ACSL5: variants seen among roughly 807,000 people sequenced by gnomAD.
The protein encoded by ACSL5 is acyl-CoA synthetase long chain family member 5.
In ACSL5, 50 loss-of-function variants were observed where a neutral mutation model predicts 84.9. The observed-to-expected ratio is 0.59, with a 90% CI of 0.47 to 0.75. The LOEUF is 0.75. Among genes scored for constraint, ACSL5 ranks in the 30% least tolerant of loss-of-function variants. The pLI is 0.00. For missense variants in ACSL5, 775 were observed against 830.4 expected (o/e 0.93, Z 0.82); for synonymous variants, 280 against 300.7 (o/e 0.93, Z 0.71).
rs760045809 is a variant in ACSL5 at position 112,410,502 on chromosome 10, T to C, written c.744+7T>C. The C allele has an allele frequency of 3.7e-6, 6 of 1,614,048 alleles. No homozygotes were observed. The highest frequency in any genetic ancestry group is 5.1e-6 in the Non-Finnish European group (6 of 1,180,024). ...GCACTTCAGAAAACCTGTGGTAAGT[T>C]TTCTTCTGCCTGAATTTGAGCCTTG... On this transcript the variant is annotated splice_region_variant and intron_variant, in intron 8 of 20. Transcript: ENST00000354655.
At position 112,418,455 on chromosome 10, in the gene ACSL5, G is replaced by A. The variant is rs577941626; in HGVS notation, c.1314+514G>A. 1.7e-3 allele frequency among the ~76,000 whole-genome samples: 253 copies of A among 152,180 alleles called. 1 individual carries two copies. Among genetic ancestry groups the A allele is most frequent in the African/African-American group, 5.9e-3 (244 of 41,522 alleles). ...AAATTAGCTGGGCGTGGTGGTGGGC[G>A]CCTGTAGTCCCAGCTACTCGGGAGG... is the stretch of plus-strand genomic sequence containing the variant. On this transcript the variant is annotated intron_variant, in intron 14 of 20. Coordinates refer to ENST00000354655, the MANE Select transcript of ACSL5 (RefSeq NM_203379.2).
chr10:112,378,003 TC>T (rs1448933934), intron 1 of ACSL5, among the ~76,000 whole-genome samples: 2 of 152,124 alleles, frequency 1.3e-5, no homozygotes, highest in Non-Finnish European at 2.9e-5. Context: ...AAATAGTCTC[TC>T]CCAGGCTATA....
At chr10:112,419,168 C>G (rs1448830305) in intron 14 of ACSL5, 1 of 151,096 alleles carries the variant, frequency 6.6e-6, no homozygotes, top group African/African-American at 2.4e-5. Context: ...CCAGAAAGAT[C>G]TTTTTTGCAC....
chr10:112,426,864 G>A lies in ACSL5; in HGVS notation c.1911+5G>A. On this transcript the variant is annotated splice_donor_5th_base_variant and intron_variant, in intron 20 of 20. Transcript: ENST00000354655. ...GGCCTTAAAACTTTTGAACAGGTGTGTGCTACCACTGATGTTATACTGGCC... is the reference window on the plus strand; with the variant it reads ...GGCCTTAAAACTTTTGAACAGGTGTATGCTACCACTGATGTTATACTGGCC... The A allele has an allele frequency of 6.2e-7, 1 of 1,607,474 alleles. No individual in the cohort carries two copies. Among genetic ancestry groups the A allele is most frequent in the Non-Finnish European group, 8.5e-7 (1 of 1,174,214 alleles).
At chr10:112,395,651 C>T (rs967290997) in intron 2 of ACSL5, among the ~76,000 whole-genome samples, 4 of 152,178 alleles carry the variant, frequency 2.6e-5, no homozygotes, top group African/African-American at 9.7e-5. Context: ...ATTAGGCTCA[C>T]TCCCCCGACT....
Position 112,422,337 on chromosome 10 carries a change from G to T in ACSL5, c.1489G>T (p.Gly497Cys). 1.2e-6 allele frequency: 2 copies of T among 1,613,906 alleles called. No homozygotes were observed. The highest frequency in any genetic ancestry group is 1.7e-6 in the Non-Finnish European group (2 of 1,179,932). ...GTCTGCTGTGCAGGTCTGCATCAAG[G>T]GTACAAACGTGTTCAAAGGATACCT... ...VNNEGEVCIK[G>C]TNVFKGYLKD... is the part of the protein sequence containing the mutation. The change falls in exon 17 of 21, where the codon GGT becomes TGT. Residue 497 changes from glycine to cysteine, a missense_variant. Coordinates refer to ENST00000354655, the MANE Select transcript of ACSL5 (RefSeq NM_203379.2).
chr10:112,397,429 C>T (rs537276282), intron 2 of ACSL5, among the ~76,000 whole-genome samples: 21 of 152,232 alleles, frequency 1.4e-4, no homozygotes, highest in African/African-American at 4.6e-4. Flanking sequence ...CTTGGCCTCT[C>T]AAAGTGCTGA....
chr10:112,415,923 G>A (rs1420783699), intron 12 of ACSL5, among the ~76,000 whole-genome samples: 1 of 152,218 alleles, frequency 6.6e-6, no homozygotes, highest in East Asian at 1.9e-4. Flanking sequence ...TGGCAGGAGT[G>A]TGGTTGATGG....
chr10:112,385,385 T>C (rs1849429155), intron 1 of ACSL5, among the ~76,000 whole-genome samples: 1 of 152,240 alleles, frequency 6.6e-6, no homozygotes, highest in Non-Finnish European at 1.5e-5. Context: ...TTCTATGAGA[T>C]AAGCTGATGG....
At chr10:112,424,070 T>C (rs1457272738) in intron 17 of ACSL5, among the ~76,000 whole-genome samples, 2 of 152,232 alleles carry the variant, frequency 1.3e-5, no homozygotes, top group Non-Finnish European at 2.9e-5. Context: ...CCCTATTAAT[T>C]CACAGGCATA....
intron 5 of ACSL5, chr10:112,406,217 A>T (rs1375478089): frequency 6.6e-6 from 1 of 152,154 alleles, no homozygotes; most frequent in Non-Finnish European, 1.5e-5. Context: ...GGAGTCTAGG[A>T]ATCCAAGGTC....
intron 16 of ACSL5, 138 bp from the exon 17 acceptor site, chr10:112,422,187 T>C (rs1844480648): frequency 9.2e-7 from 1 of 1,088,304 alleles, no homozygotes. Context: ...TCCCCTATAG[T>C]GGAGACTTAG....
Position 112,422,127 on chromosome 10 carries a change from C to G in ACSL5, c.1476+92C>G, listed in dbSNP as rs1844479602. The stretch of plus-strand genomic sequence containing the variant: ...ATTGTAAGCAAACTTGGATTTGGCC[C>G]CTTTGAGATTGTTAGCAAAGAATTA... On this transcript the variant is annotated intron_variant, in intron 16 of 20. Transcript: ENST00000354655. 2.1e-6 allele frequency: 3 copies of G among 1,418,834 alleles called. No homozygotes were observed. The African/African-American group carries it at 4.2e-5, about 20-fold the overall frequency. The allele number at this position is 1,418,834 out of a possible 1,614,324, so 87.9% of individuals were successfully genotyped here.
intron 12 of ACSL5, 69 bp downstream of exon 12, chr10:112,413,376 A>G: frequency 6.4e-7 from 1 of 1,556,802 alleles, no homozygotes; most frequent in Non-Finnish European, 8.8e-7. Flanking sequence ...TACTACTATG[A>G]GATTTACTCC....
At chr10:112,403,512 C>T (rs1023511901) in intron 3 of ACSL5, among the ~76,000 whole-genome samples, 14 of 152,294 alleles carry the variant, frequency 9.2e-5, no homozygotes, top group African/African-American at 2.9e-4. Context: ...TCTTGAACTC[C>T]CAACCTCAGG....
At chr10:112,399,979 C>T (rs148597454) in intron 3 of ACSL5, among the ~76,000 whole-genome samples, 333 of 152,202 alleles carry the variant, frequency 2.2e-3, no homozygotes, top group Non-Finnish European at 3.3e-3. Flanking sequence ...TAGGTTAGCT[C>T]GTAAGTGTTT....
At position 112,421,934 on chromosome 10, in the gene ACSL5, C is replaced by T. The variant is rs375774044; in HGVS notation, c.1388-13C>T. On this transcript the variant is annotated splice_polypyrimidine_tract_variant and intron_variant, in intron 15 of 20. Transcript: ENST00000354655. The stretch of plus-strand genomic sequence containing the variant: ...CAAGAGTTTCTCAGCTAATTCAGCA[C>T]GGTATGTTCTAGGTCACGTTGGGGT... 2.8e-5 allele frequency: 45 copies of T among 1,613,150 alleles called. No individual in the cohort carries two copies. In the Admixed American group the frequency reaches 3.0e-4, roughly 11 times the overall value.
chr10:112,375,071 AC>A (rs1289271500), intron 1 of ACSL5, among the ~76,000 whole-genome samples: 2 of 151,802 alleles, frequency 1.3e-5, no homozygotes, highest in African/African-American at 4.8e-5. Flanking sequence ...AAGAAATAAA[AC>A]CTCATCTTCC....
In ACSL5 at chr10:112,394,991, G is replaced by A. The variant is rs150046723; in HGVS notation, c.45G>A (p.Pro15=). ...TTTTGTTTTCCCCACTTCCGACCCC[G>A]GCGTTGATCTGCATCCTGACATTTG... ...FNFLFSPLPT[P]ALICILTFGA... The change falls in exon 2 of 21, where the codon CCG becomes CCA. Residue 15 remains proline, a synonymous_variant. Transcript: ENST00000354655. 67 of 1,613,736 alleles carry A rather than the reference G, an allele frequency of 4.2e-5. No homozygotes were observed. In the Middle Eastern group the frequency reaches 4.9e-4, roughly 12 times the overall value.
Sources: gnomAD v4.1 joint callset for allele counts (sites outside exome capture counted in the v4.1 genomes callset) on GRCh38, gnomAD v4.1.1 for gene constraint, MANE v1.5 for transcripts, NCBI Gene and HGNC (gene_info 2026-07-23, HGNC 2026-07-21) for gene names.